SUMF1: variants seen among roughly 807,000 people sequenced by gnomAD.
The protein encoded by SUMF1 is sulfatase modifying factor 1.
A neutral mutation model predicts 47.6 loss-of-function variants in SUMF1; 48 were observed. That is an observed-to-expected ratio of 1.01 (90% CI 0.80 to 1.28). The LOEUF is 1.28. Ranked by LOEUF, SUMF1 falls within the 50% of genes most tolerant of loss-of-function variation. The pLI is 0.00. For missense variants in SUMF1, 571 were observed against 485.4 expected (o/e 1.18, Z -1.66); for synonymous variants, 230 against 192.1 (o/e 1.20, Z -1.63).
At chr3:4,287,854 C>G (rs1037681454) in intron 8 of SUMF1, among the ~76,000 whole-genome samples, 6 of 152,178 alleles carry the variant, frequency 3.9e-5, no homozygotes, top group Non-Finnish European at 8.8e-5. Flanking sequence ...ATCAACCAAG[C>G]AAAGCTTAAA....
At chr3:4,119,202 A>C (rs931381864) in intron 8 of SUMF1, among the ~76,000 whole-genome samples, 9 of 152,032 alleles carry the variant, frequency 5.9e-5, no homozygotes, top group African/African-American at 2.2e-4. Context: ...CTCCGCCTAC[A>C]TTGTCACTAC....
chr3:4,245,382 C>A (rs1208283186), intron 8 of SUMF1, among the ~76,000 whole-genome samples: 1 of 152,090 alleles, frequency 6.6e-6, no homozygotes, highest in Non-Finnish European at 1.5e-5. Context: ...TTTTATCTAC[C>A]TTTGGTCTTT....
intron 8 of SUMF1, among the ~76,000 whole-genome samples, chr3:4,349,837 G>A (rs1699449722): frequency 6.6e-6 from 1 of 152,066 alleles, no homozygotes; most frequent in African/African-American, 2.4e-5. Context: ...CCAGTTGCGG[G>A]GTAGGAGGTG....
At chr3:4,348,001 C>T (rs530708612) in intron 8 of SUMF1, among the ~76,000 whole-genome samples, 1 of 152,080 alleles carries the variant, frequency 6.6e-6, no homozygotes, top group African/African-American at 2.4e-5. Context: ...TCTCCAACTA[C>T]AAAGCACTGC....
At chr3:4,111,111 C>G (rs1693296000) in intron 8 of SUMF1, among the ~76,000 whole-genome samples, 1 of 151,736 alleles carries the variant, frequency 6.6e-6, no homozygotes, top group East Asian at 1.9e-4. Context: ...ATACACCCCT[C>G]CCTCAGGATA....
chr3:4,421,427 A>C (rs1701893769), intron 3 of SUMF1, among the ~76,000 whole-genome samples: 2 of 152,212 alleles, frequency 1.3e-5, no homozygotes, highest in Non-Finnish European at 2.9e-5. Flanking sequence ...CTCAGTCACA[A>C]GGAGAGCCAC....
chr3:4,368,903 C>T (rs1325229783), intron 8 of SUMF1, among the ~76,000 whole-genome samples: 1 of 152,184 alleles, frequency 6.6e-6, no homozygotes, highest in Non-Finnish European at 1.5e-5. Context: ...GTGCCATGAG[C>T]ATAAACTCTG....
intron 8 of SUMF1, among the ~76,000 whole-genome samples, chr3:4,166,520 G>A (rs1394023754): frequency 6.6e-6 from 1 of 152,084 alleles, no homozygotes; most frequent in African/African-American, 2.4e-5. Flanking sequence ...CCTAAAGAAG[G>A]GAACAGAGTC....
intron 8 of SUMF1, among the ~76,000 whole-genome samples, chr3:4,128,243 G>GC (rs1553602192): frequency 3.3e-5 from 5 of 152,120 alleles, no homozygotes; most frequent in African/African-American, 1.2e-4. Flanking sequence ...TGCAACAAAA[G>GC]TTGCACGCAC....
At chr3:4,257,575 A>T (rs1364202228) in intron 8 of SUMF1, among the ~76,000 whole-genome samples, 3 of 150,850 alleles carry the variant, frequency 2.0e-5, no homozygotes, top group Non-Finnish European at 4.4e-5. Flanking sequence ...GACCTCTTCA[A>T]GGAGAACTAC....
Position 4,161,436 on chromosome 3 carries a change from G to A in SUMF1, c.1015-92691C>T, listed in dbSNP as rs553512566. 3.3e-5 allele frequency among the ~76,000 whole-genome samples: 5 copies of A among 152,252 alleles called. No individual in the cohort carries two copies. In the East Asian group the frequency reaches 9.7e-4, roughly 29 times the overall value. ...GTGGGTCCAGAGATGCAGTCTGGTA[G>A]CCAGGGCCTGGAGTTGGAAACCTTA... On this transcript the variant is annotated intron_variant and NMD_transcript_variant, in intron 8 of 12. Transcript: ENST00000448413.
intron 9 of SUMF1, among the ~76,000 whole-genome samples, chr3:4,042,886 C>T (rs1180695118): frequency 1.3e-5 from 2 of 152,094 alleles, no homozygotes; most frequent in African/African-American, 4.8e-5. Context: ...AAGGCAAGTC[C>T]AGTGCCCTTG....
intron 8 of SUMF1, among the ~76,000 whole-genome samples, chr3:4,106,222 T>C (rs1438788614): frequency 6.6e-6 from 1 of 152,120 alleles, no homozygotes; most frequent in Non-Finnish European, 1.5e-5. Context: ...GTTTAGGCTA[T>C]GTGATCGGGC....
At chr3:4,399,063 A>T (rs1352505713) in intron 7 of SUMF1, among the ~76,000 whole-genome samples, 1 of 152,088 alleles carries the variant, frequency 6.6e-6, no homozygotes, top group Non-Finnish European at 1.5e-5. Context: ...TTTTTTGCAT[A>T]ATCAGGAATA....
chr3:4,436,022 C>T (rs568029142), intron 3 of SUMF1, among the ~76,000 whole-genome samples: 88 of 152,276 alleles, frequency 5.8e-4, no homozygotes, highest in Non-Finnish European at 1.1e-3. Flanking sequence ...TGATGCACAT[C>T]GATAATCCCA....
At chr3:4,338,830 C>G (rs546475681) in intron 8 of SUMF1, among the ~76,000 whole-genome samples, 2 of 152,074 alleles carry the variant, frequency 1.3e-5, no homozygotes, top group South Asian at 4.2e-4. Context: ...GGTCTTTGAG[C>G]CCCTATAATT....
chr3:4,118,262 G>A lies in SUMF1; in HGVS notation c.1015-49517C>T, dbSNP rs142993086. 3.7e-4 allele frequency among the ~76,000 whole-genome samples: 56 copies of A among 151,856 alleles called. 1 individual carries two copies. Among genetic ancestry groups the A allele is most frequent in the Middle Eastern group, 3.4e-3 (1 of 294 alleles). ...TATTGCATGCTTGAAAAAAGGAACAGGATACATGAAAAAGAAACAGAGAAC... is the reference window on the plus strand; with the variant it reads ...TATTGCATGCTTGAAAAAAGGAACAAGATACATGAAAAAGAAACAGAGAAC... On this transcript the variant is annotated intron_variant and NMD_transcript_variant, in intron 8 of 12. Transcript: ENST00000448413.
intron 8 of SUMF1, among the ~76,000 whole-genome samples, chr3:4,204,695 T>A (rs536077037): frequency 1.3e-5 from 2 of 152,224 alleles, no homozygotes; most frequent in African/African-American, 4.8e-5. Context: ...TTTCCTCTGC[T>A]TGTGTATTTT....
At chr3:4,053,309 C>T (rs1418221756) in intron 9 of SUMF1, among the ~76,000 whole-genome samples, 3 of 152,048 alleles carry the variant, frequency 2.0e-5, no homozygotes, top group African/African-American at 7.2e-5. Flanking sequence ...CACCCCAAAA[C>T]AATTACAATA....
Sources: gnomAD v4.1 joint callset for allele counts (sites outside exome capture counted in the v4.1 genomes callset) on GRCh38, gnomAD v4.1.1 for gene constraint, MANE v1.5 for transcripts, NCBI Gene and HGNC (gene_info 2026-07-23, HGNC 2026-07-21) for gene names.